COL6A3: variants seen among roughly 807,000 people sequenced by gnomAD.
COL6A3 encodes the protein collagen type VI alpha 3 chain, also known as collagen alpha-3(VI) chain.
Under a neutral mutation model 274.1 loss-of-function variants are expected in COL6A3, and 137 were observed. That is an observed-to-expected ratio of 0.50 (90% CI 0.44 to 0.58). The LOEUF (loss-of-function observed/expected upper bound fraction) is 0.58. Among genes scored for constraint, COL6A3 ranks in the 20% least tolerant of loss-of-function variants. COL6A3 has a pLI of 0.00. For synonymous variants in COL6A3, 1,650 were observed against 1,650.6 expected (o/e 1.00, Z 0.01); for missense variants, 3,950 against 4,124.9 (o/e 0.96, Z 1.16).
intron 9 of COL6A3, among the ~76,000 whole-genome samples, chr2:237,370,027 T>C (rs111609665): frequency 6.8e-6 from 1 of 146,586 alleles, no homozygotes; most frequent in African/African-American, 2.6e-5. Flanking sequence ...TTCATTAAAA[T>C]TTTTTTTTTT....
chr2:237,366,869 A>G lies in COL6A3; in HGVS notation c.5318T>C (p.Val1773Ala), dbSNP rs771598463. The G allele has an allele frequency of 8.1e-6, 13 of 1,614,160 alleles. No individual in the cohort carries two copies. The highest frequency in any genetic ancestry group is 1.1e-5 in the South Asian group (1 of 91,084). ...SLALTQRGVK[V>A]FAVGVRNIDS... ...GATATTCCTCACTCCAACAGCAAACACTTTGACCCCCCTCTGGGTGAGGGC... is the reference window on the plus strand; with the variant it reads ...GATATTCCTCACTCCAACAGCAAACGCTTTGACCCCCCTCTGGGTGAGGGC... The change falls in exon 11 of 44, where the codon GTG (valine) becomes GCG (alanine). Residue 1773 changes from valine to alanine, a missense_variant. Physicochemically the swap from Val to Ala is moderately conservative, Grantham distance 64. Transcript: ENST00000295550.
rs540844413 is a variant in COL6A3, at chr2:237,394,693, C to A, written c.603G>T (p.Glu201Asp). Residue 201 changes from glutamate (E) to aspartate (D), a missense_variant, in exon 3 of 44, where the codon GAG becomes GAT. Physicochemically the swap from Glu to Asp is conservative, Grantham distance 45 (BLOSUM62 2). Transcript: ENST00000295550. ...EPLNMHMFNL[E>D]NFTSLHDIVG... ...CTATGTCATGAAGTGAGGTAAAATT[C>A]TCTAGGTTGAACATATGCATATTGA... The A allele has an allele frequency of 1.2e-6, 2 of 1,614,228 alleles. No homozygotes were observed. Among genetic ancestry groups the A allele is most frequent in the African/African-American group, 2.7e-5 (2 of 75,062 alleles).
intron 42 of COL6A3, chr2:237,329,743 ATTATT>A (rs1700126829): frequency 1.3e-5 from 2 of 152,366 alleles, no homozygotes; most frequent in African/African-American, 4.8e-5. Context: ...ATGATGCACC[ATTATT>A]TTATGTTCCA....
intron 33 of COL6A3, 34 bp downstream of exon 33, chr2:237,345,147 G>C (rs1214322300): frequency 6.2e-7 from 1 of 1,614,008 alleles, no homozygotes; most frequent in East Asian, 2.2e-5. Flanking sequence ...AGGCTCATGA[G>C]GTTAATGAGT....
rs758997356 is a variant in COL6A3 at position 237,344,559 on chromosome 2, G to A, written c.7459C>T (p.Leu2487=). The A allele has an allele frequency of 6.2e-7, 1 of 1,614,160 alleles. No individual in the cohort carries two copies. Among genetic ancestry groups the A allele is most frequent in the South Asian group, 1.1e-5 (1 of 91,066 alleles). The change falls in exon 36 of 44, where the codon CTG becomes TTG. Residue 2487 remains leucine (L), a synonymous_variant. Transcript: ENST00000295550. The surrounding 1 kb of genome is among the most constrained non-coding windows in gnomAD (Gnocchi z 4.8). ...GCCACAAACGACATGGCAGTCTCCA[G>A]ACTCTGCTGTTTGGATGTCAGAGCC... is the stretch of plus-strand genomic sequence containing the variant. ...QVALTSKQQS[L]ETAMSFVARN... is the part of the protein sequence containing the mutation.
chr2:237,412,608 C>T (rs2078883720), intron 1 of COL6A3, among the ~76,000 whole-genome samples: 1 of 152,200 alleles, frequency 6.6e-6, no homozygotes, highest in South Asian at 2.1e-4. Context: ...TCAGAAGTCC[C>T]AGTAATGTCA....
chr2:237,406,907 C>CTTT (rs1006109385), intron 1 of COL6A3, among the ~76,000 whole-genome samples: 2,310 of 123,484 alleles, frequency 0.019, 138 homozygotes, highest in African/African-American at 0.069. Context: ...TCTTTTTTCC[C>CTTT]TTTTTTTTTT....
At position 237,366,761 on chromosome 2, in the gene COL6A3, C is replaced by T. The variant is rs1553556280; in HGVS notation, c.5426G>A (p.Ser1809Asn). ...ATGCAAAGTTTCCAAAACTTGCTCG[C>T]TCAGTTCGGACAGCTCCTGGACGTT... ...VGNVQELSELSEQVLETLHDA... is the reference protein window; with the variant it reads ...VGNVQELSELNEQVLETLHDA... The change falls in exon 11 of 44, where the codon AGC (serine) becomes AAC (asparagine). Residue 1809 changes from serine to asparagine, a missense_variant. Physicochemically the swap from Ser to Asn is conservative, Grantham distance 46. Transcript: ENST00000295550. 6.2e-7 allele frequency: 1 copy of T among 1,614,274 alleles called. No homozygotes were observed. Among genetic ancestry groups the T allele is most frequent in the Admixed American group, 1.7e-5 (1 of 60,038 alleles).
Position 237,357,999 on chromosome 2 carries a change from G to A in COL6A3, c.6472-117C>T, listed in dbSNP as rs1394678814. 10 of 947,414 alleles carry A rather than the reference G, an allele frequency of 1.1e-5. No individual in the cohort carries two copies. The East Asian group carries it at 2.4e-4, about 23-fold the overall frequency. The allele number at this position is 947,414 out of a possible 1,614,324, so 58.7% of individuals were successfully genotyped here. On this transcript the variant is annotated intron_variant, in intron 21 of 43. Coordinates refer to ENST00000295550, the MANE Select transcript of COL6A3 (RefSeq NM_004369.4). Reference sequence around the variant, plus strand: ...CTGCATGCAAGGCTTCGAGGGACAAGCCCTTCGGCCACAACCCATCCAGGT... The same window carrying A: ...CTGCATGCAAGGCTTCGAGGGACAAACCCTTCGGCCACAACCCATCCAGGT...
chr2:237,376,806 G>C lies in COL6A3; in HGVS notation c.3036C>G (p.Leu1012=), dbSNP rs770761489. 3.7e-6 allele frequency: 6 copies of C among 1,614,092 alleles called. No individual in the cohort carries two copies. In the Admixed American group the frequency reaches 1.0e-4, roughly 27 times the overall value. The change falls in exon 7 of 44, where the codon CTC becomes CTG. Residue 1012 remains leucine (L), a synonymous_variant. Coordinates refer to ENST00000295550, the MANE Select transcript of COL6A3 (RefSeq NM_004369.4). ...IGDLHPQIVN[L]LKSVHNGAPA... ...GTGCTCCGTTGTGCACTGATTTTAA[G>C]AGATTCACTATCTGTGGATGAAGAT...
rs567194259 is a variant in COL6A3, at chr2:237,332,861, G to C, written c.9328+589C>G. The C allele has an allele frequency of 1.9e-5, 3 of 156,700 alleles. No individual in the cohort carries two copies. The East Asian group carries it at 5.5e-4, about 29-fold the overall frequency. The allele number at this position is 156,700 out of a possible 1,614,324, so 9.7% of individuals were successfully genotyped here. On this transcript the variant is annotated intron_variant, in intron 42 of 43. Transcript: ENST00000295550. ...TTTCACTGCCCAAGAACAAAAGCAA[G>C]TAACAGCTGTCAGTTCCTGAATTAC... is the stretch of plus-strand genomic sequence containing the variant.
In COL6A3 at chr2:237,339,041, G is replaced by C. The variant is rs539332029; in HGVS notation, c.8541C>G (p.Asn2847Lys). 2 of 1,614,060 alleles carry C rather than the reference G, an allele frequency of 1.2e-6. No homozygotes were observed. Among genetic ancestry groups the C allele is most frequent in the Admixed American group, 1.7e-5 (1 of 60,014 alleles). ...DWFQGDQPTKNLVKFGHKQVN... is the reference protein window; with the variant it reads ...DWFQGDQPTKKLVKFGHKQVN... The stretch of plus-strand genomic sequence containing the variant: ...CTTGTTTGTGACCAAACTTCACAAG[G>C]TTCTTTGTGGGTTGGTCCCCTTGGA... The change falls in exon 39 of 44, where the codon AAC becomes AAG. Residue 2847 changes from asparagine to lysine, a missense_variant. By Grantham distance (94) the Asn-to-Lys change is moderately conservative (BLOSUM62 0). Coordinates refer to ENST00000295550, the MANE Select transcript of COL6A3 (RefSeq NM_004369.4).
At chr2:237,363,470 A>G in intron 13 of COL6A3, 72 bp from the exon 14 acceptor site, 1 of 1,562,806 alleles carries the variant, frequency 6.4e-7, no homozygotes, top group South Asian at 1.1e-5. Context: ...TTTCCTGACT[A>G]CATTTTTAAA....
At chr2:237,403,248 C>T (rs571462029) in intron 1 of COL6A3, among the ~76,000 whole-genome samples, 16 of 152,214 alleles carry the variant, frequency 1.1e-4, no homozygotes, top group African/African-American at 2.9e-4. Flanking sequence ...ATGAGGAAGA[C>T]GGAACACAGT....
At position 237,374,235 on chromosome 2, in the gene COL6A3, G is replaced by A. The variant is rs1333988031; in HGVS notation, c.3679+177C>T. Among the ~76,000 whole-genome samples, 1 of 152,182 alleles carries A rather than the reference G, an allele frequency of 6.6e-6. No homozygotes were observed. The highest frequency in any genetic ancestry group is 1.9e-4 in the East Asian group (1 of 5,198). On this transcript the variant is annotated intron_variant, in intron 8 of 43. Coordinates refer to ENST00000295550, the MANE Select transcript of COL6A3 (RefSeq NM_004369.4). The surrounding 1 kb of genome is among the most constrained non-coding windows in gnomAD (Gnocchi z 4.8). ...TTAGCATCTCCCCCCTTGAACCTCT[G>A]CCATTTCTGCCCATCGAGGCCAAAA...
intron 42 of COL6A3, among the ~76,000 whole-genome samples, chr2:237,330,618 T>C (rs1374216101): frequency 6.6e-6 from 1 of 152,130 alleles, no homozygotes; most frequent in Admixed American, 6.5e-5. Context: ...GTTAACAGAA[T>C]CAACCTTCAT....
Position 237,369,100 on chromosome 2 carries a change from T to C in COL6A3, c.4363A>G (p.Ile1455Val), listed in dbSNP as rs2077624929. The part of the protein sequence containing the change: ...EGVRPDGFAH[I>V]RDFVSRIVRR... ...ACAATCCTGCTAACAAAATCTCGAATATGTGCAAAGCCATCTGGCCTAACT... is the reference window on the plus strand; with the variant it reads ...ACAATCCTGCTAACAAAATCTCGAACATGTGCAAAGCCATCTGGCCTAACT... The change falls in exon 10 of 44, where the codon ATT (isoleucine) becomes GTT (valine). Residue 1455 changes from isoleucine to valine, a missense_variant. By Grantham distance (29) the Ile-to-Val change is conservative (BLOSUM62 3). This residue lies in a region of COL6A3 where 1,934 missense variants were observed against 1,984.3 expected (regional missense o/e 0.97). Transcript: ENST00000295550. 1 of 1,614,232 alleles carries C rather than the reference T, an allele frequency of 6.2e-7. No homozygotes were observed. Among genetic ancestry groups the C allele is most frequent in the African/African-American group, 1.3e-5 (1 of 75,070 alleles).
intron 14 of COL6A3, among the ~76,000 whole-genome samples, chr2:237,362,996 T>C (rs2077470904): frequency 2.0e-5 from 3 of 152,170 alleles, no homozygotes; most frequent in Admixed American, 6.5e-5. Context: ...GCAGAGAAAA[T>C]GCTAAGGCCA....
In COL6A3 at chr2:237,341,065, G is replaced by A. The variant is rs1235022762; in HGVS notation, c.7851C>T (p.Asp2617=). ...RDRRAAGSDV[D]IDMAFILDSA... Reference sequence around the variant, plus strand: ...TGTCTAAGATGAAAGCCATGTCGATGTCCACATCGCTCCCTGCCGCTCTCC... The same window carrying A: ...TGTCTAAGATGAAAGCCATGTCGATATCCACATCGCTCCCTGCCGCTCTCC... Residue 2617 remains aspartate, a synonymous_variant, in exon 38 of 44, where the codon GAC becomes GAT. Coordinates refer to ENST00000295550, the MANE Select transcript of COL6A3 (RefSeq NM_004369.4). The A allele has an allele frequency of 1.2e-6, 2 of 1,614,028 alleles. No homozygotes were observed. Among genetic ancestry groups the A allele is most frequent in the Non-Finnish European group, 1.7e-6 (2 of 1,180,050 alleles).
Sources: gnomAD v4.1 joint callset for allele counts (sites outside exome capture counted in the v4.1 genomes callset) on GRCh38, gnomAD v4.1.1 for gene constraint, gnomAD v4.1.1 regional missense constraint, Gnocchi (gnomAD v3.1) non-coding constraint, MANE v1.5 for transcripts, NCBI Gene and HGNC (gene_info 2026-07-23, HGNC 2026-07-21) for gene names.